Variants in MYRIP observed in about 807,000 individuals in gnomAD.
MYRIP encodes the protein myosin VIIA and Rab interacting protein, also known as rab effector MyRIP.
MYRIP carries 49 observed loss-of-function variants against 98.0 expected under a neutral mutation model. That is an observed-to-expected ratio of 0.50 (90% CI 0.40 to 0.63). The LOEUF is 0.63. Ranked by LOEUF, MYRIP falls within the 30% of genes least tolerant of loss-of-function variation. MYRIP has a pLI of 0.00. For synonymous variants in MYRIP, 404 were observed against 409.5 expected (o/e 0.99, Z 0.16); for missense variants, 1,004 against 1,058.2 (o/e 0.95, Z 0.71).
At chr3:39,912,027 A>G (rs1340567844) in intron 2 of MYRIP, among the ~76,000 whole-genome samples, 1 of 147,096 alleles carries the variant, frequency 6.8e-6, no homozygotes, top group African/African-American at 2.6e-5. Flanking sequence ...GTCCTAGCCC[A>G]AAGACTTTTT....
chr3:39,923,926 A>G (rs1000633897), intron 2 of MYRIP, among the ~76,000 whole-genome samples: 4 of 152,112 alleles, frequency 2.6e-5, no homozygotes, highest in African/African-American at 7.2e-5. Context: ...CCAGTAGAGC[A>G]TGATGTATGT....
At position 40,170,096 on chromosome 3, in the gene MYRIP, G is replaced by C. The variant is rs1950581657; in HGVS notation, c.873+3G>C. On this transcript the variant is annotated splice_donor_region_variant and intron_variant, in intron 8 of 16. Transcript: ENST00000302541. ...ACCGTGCTCCCGCTGCCCTCTGGGT[G>C]AGTCCCCAAGCAGTGCTGGTCTACC... 3.1e-6 allele frequency: 5 copies of C among 1,613,984 alleles called. No homozygotes were observed. Among genetic ancestry groups the C allele is most frequent in the Non-Finnish European group, 4.2e-6 (5 of 1,180,020 alleles).
chr3:39,889,866 A>G (rs1458422125), intron 1 of MYRIP, among the ~76,000 whole-genome samples: 1 of 152,106 alleles, frequency 6.6e-6, no homozygotes, highest in South Asian at 2.1e-4. Flanking sequence ...TTCTTTTATT[A>G]CCTTTATGGT....
chr3:40,049,789 G>A (rs1449783045), intron 3 of MYRIP, among the ~76,000 whole-genome samples: 2 of 152,136 alleles, frequency 1.3e-5, no homozygotes, highest in African/African-American at 4.8e-5. Context: ...AGCTCTTGAA[G>A]GAAGTTAAAA....
Position 40,165,346 on chromosome 3 carries a change from T to C in MYRIP, c.551-1500T>C, listed in dbSNP as rs186705455. Among the ~76,000 whole-genome samples the C allele has an allele frequency of 2.6e-5, 4 of 152,378 alleles. No individual in the cohort carries two copies. The East Asian group carries it at 7.7e-4, about 29-fold the overall frequency. ...ATTATGTTTGCCAAATGATACTTTC[T>C]GTCTACATTTTTGTCCTTAAGAGCC... On this transcript the variant is annotated intron_variant, in intron 5 of 16. Coordinates refer to ENST00000302541, the MANE Select transcript of MYRIP (RefSeq NM_015460.4).
At chr3:39,909,561 T>A (rs1943966749) in intron 2 of MYRIP, among the ~76,000 whole-genome samples, 1 of 152,120 alleles carries the variant, frequency 6.6e-6, no homozygotes, top group Non-Finnish European at 1.5e-5. Context: ...TGGGAATACA[T>A]CTGTCTTAGA....
At chr3:40,124,144 T>C (rs1949468706) in intron 3 of MYRIP, among the ~76,000 whole-genome samples, 2 of 152,138 alleles carry the variant, frequency 1.3e-5, no homozygotes, top group South Asian at 4.2e-4. Flanking sequence ...ACAGGGAACT[T>C]AGACTTCACC....
At chr3:40,031,330 C>T (rs1456435558) in intron 2 of MYRIP, among the ~76,000 whole-genome samples, 2 of 152,068 alleles carry the variant, frequency 1.3e-5, no homozygotes, top group African/African-American at 4.8e-5. Context: ...TAGTTTTCAA[C>T]CTAAGAATTT....
chr3:39,967,462 C>A (rs1945468569), intron 2 of MYRIP, among the ~76,000 whole-genome samples: 1 of 152,036 alleles, frequency 6.6e-6, no homozygotes, highest in African/African-American at 2.4e-5. Context: ...ACATATGTAC[C>A]ATATTTTCTT....
rs371537483 is a variant in MYRIP at position 39,895,227 on chromosome 3, C to T, written c.-30-5560C>T. On this transcript the variant is annotated intron_variant, in intron 1 of 16. Coordinates refer to ENST00000302541, the MANE Select transcript of MYRIP (RefSeq NM_015460.4). ...TTTGAGGCGGAGTCTCACTCCGTCGCCCAGGCTGAAGTGCAGTGGCGCGAT... is the reference window on the plus strand; with the variant it reads ...TTTGAGGCGGAGTCTCACTCCGTCGTCCAGGCTGAAGTGCAGTGGCGCGAT... Among the ~76,000 whole-genome samples, 32 of 151,630 alleles carry T rather than the reference C, an allele frequency of 2.1e-4. 1 individual carries two copies. In the South Asian group the frequency reaches 6.7e-3, roughly 32 times the overall value.
chr3:40,149,756 A>G lies in MYRIP; in HGVS notation c.333-1292A>G, dbSNP rs542151579. ...AGCTCTTCCATCTGTTCTGAAGTAC[A>G]TGGTTCTTTGTTACCTTTATGCTAT... is the stretch of plus-strand genomic sequence containing the variant. On this transcript the variant is annotated intron_variant, in intron 3 of 16. Coordinates refer to ENST00000302541, the MANE Select transcript of MYRIP (RefSeq NM_015460.4). 4.6e-5 allele frequency among the ~76,000 whole-genome samples: 7 copies of G among 152,278 alleles called. No individual in the cohort carries two copies. In the East Asian group the frequency reaches 1.4e-3, roughly 29 times the overall value.
chr3:40,084,951 C>T (rs1248521821), intron 3 of MYRIP, among the ~76,000 whole-genome samples: 3 of 146,288 alleles, frequency 2.1e-5, no homozygotes, highest in Admixed American at 6.9e-5. Context: ...TGTTACATGT[C>T]GATAGATAAT....
At chr3:39,949,103 T>C (rs1057236700) in intron 2 of MYRIP, among the ~76,000 whole-genome samples, 20 of 152,296 alleles carry the variant, frequency 1.3e-4, no homozygotes, top group Admixed American at 1.1e-3. Context: ...GATGCCTTCA[T>C]TGAAATGCAA....
intron 3 of MYRIP, among the ~76,000 whole-genome samples, chr3:40,065,618 G>A (rs1218537492): frequency 6.6e-6 from 1 of 152,298 alleles, no homozygotes; most frequent in Middle Eastern, 3.4e-3. Context: ...ACAGGAAGAT[G>A]TTACATAGGC....
At chr3:39,992,406 G>C (rs191556129) in intron 2 of MYRIP, among the ~76,000 whole-genome samples, 1 of 152,082 alleles carries the variant, frequency 6.6e-6, no homozygotes, top group Non-Finnish European at 1.5e-5. Context: ...GACCATCATT[G>C]TTTTGCTCCA....
chr3:40,102,079 G>A (rs192438029), intron 3 of MYRIP, among the ~76,000 whole-genome samples: 256 of 152,294 alleles, frequency 1.7e-3, no homozygotes, highest in Non-Finnish European at 3.1e-3. Context: ...GATAGTTCAG[G>A]GGAGCCCAGT....
intron 1 of MYRIP, among the ~76,000 whole-genome samples, chr3:39,875,140 T>C (rs1942947152): frequency 6.6e-6 from 1 of 152,262 alleles, no homozygotes; most frequent in Non-Finnish European, 1.5e-5. Flanking sequence ...AAGGTGTTTG[T>C]AGTATTCTCT....
At chr3:39,883,150 G>T (rs1021365097) in intron 1 of MYRIP, among the ~76,000 whole-genome samples, 2 of 152,136 alleles carry the variant, frequency 1.3e-5, no homozygotes, top group Admixed American at 6.6e-5. Context: ...TGGAGATAGG[G>T]AGATAGGAAT....
At chr3:40,233,047 A>G (rs1490001905) in intron 11 of MYRIP, 1 of 152,224 alleles carries the variant, frequency 6.6e-6, no homozygotes, top group Non-Finnish European at 1.5e-5. Flanking sequence ...CTGTTGGCTC[A>G]TAAGCTGCAA....
Sources: allele counts gnomAD v4.1 joint callset (sites outside exome capture counted in the v4.1 genomes callset), GRCh38; gene constraint gnomAD v4.1.1; transcripts MANE v1.5; gene names NCBI Gene and HGNC (gene_info 2026-07-23, HGNC 2026-07-21).